Variants in AFF4 observed in about 807,000 individuals in gnomAD.
AFF4 encodes the protein ALF transcription elongation factor 4.
Under a neutral mutation model 124.8 loss-of-function variants are expected in AFF4, and 13 were observed. The observed-to-expected ratio is 0.10, with a 90% CI of 0.07 to 0.17. The LOEUF (loss-of-function observed/expected upper bound fraction) is 0.17. Among genes scored for constraint, AFF4 ranks in the 10% least tolerant of loss-of-function variants. AFF4 has a pLI of 1.00. For synonymous variants in AFF4, 477 were observed against 496.1 expected, an observed-to-expected ratio of 0.96 and a Z score of 0.51; for missense variants, 1,092 against 1,403.8, an observed-to-expected ratio of 0.78 and a Z score of 3.55.
intron 1 of AFF4, among the ~76,000 whole-genome samples, chr5:132,957,625 T>C (rs1430591443): frequency 6.6e-6 from 1 of 152,012 alleles, no homozygotes; most frequent in Non-Finnish European, 1.5e-5. Context: ...CCCCAGCTAC[T>C]CAGGAGGCTG....
chr5:132,906,504 T>C (rs1271228521), intron 5 of AFF4, among the ~76,000 whole-genome samples: 7 of 152,156 alleles, frequency 4.6e-5, no homozygotes, highest in African/African-American at 1.4e-4. Flanking sequence ...TGAAAGAATA[T>C]AGTCACAAAA....
intron 1 of AFF4, among the ~76,000 whole-genome samples, chr5:132,957,950 G>A (rs542069007): frequency 4.9e-4 from 74 of 151,978 alleles, no homozygotes; most frequent in Admixed American, 1.5e-3. Flanking sequence ...AAAAAGTATC[G>A]ATTACCTAAA....
At chr5:132,948,991 T>C (rs1761765992) in intron 1 of AFF4, among the ~76,000 whole-genome samples, 1 of 152,122 alleles carries the variant, frequency 6.6e-6, no homozygotes, top group African/African-American at 2.4e-5. Context: ...AGACAGAAGA[T>C]GCTCTCTTCT....
At chr5:132,916,789 TAC>T (rs1466998218) in intron 5 of AFF4, among the ~76,000 whole-genome samples, 1 of 152,118 alleles carries the variant, frequency 6.6e-6, no homozygotes, top group Non-Finnish European at 1.5e-5. Flanking sequence ...AGCCCAGGAA[TAC>T]AGACGCAAAA....
chr5:132,893,775 G>A (rs1581275464), intron 11 of AFF4, among the ~76,000 whole-genome samples: 1 of 152,196 alleles, frequency 6.6e-6, no homozygotes, highest in East Asian at 1.9e-4. Flanking sequence ...ACTGCACCCG[G>A]CTTAATGAAT....
intron 1 of AFF4, among the ~76,000 whole-genome samples, chr5:132,942,099 A>G (rs1477916100): frequency 2.6e-5 from 4 of 151,862 alleles, no homozygotes; most frequent in South Asian, 2.1e-4. Flanking sequence ...CAGACCCCAC[A>G]GGTTGAGTGA....
At chr5:132,924,250 T>C (rs1761120121) in intron 5 of AFF4, among the ~76,000 whole-genome samples, 1 of 151,276 alleles carries the variant, frequency 6.6e-6, no homozygotes, top group South Asian at 2.1e-4. Flanking sequence ...TGAGACTCTG[T>C]CTCAAAAAAA....
chr5:132,919,657 C>T (rs1222930833), intron 5 of AFF4, among the ~76,000 whole-genome samples: 1 of 152,144 alleles, frequency 6.6e-6, no homozygotes, highest in Non-Finnish European at 1.5e-5. Context: ...CGAGACCAGG[C>T]TGGGCAACAT....
chr5:132,893,025 C>G lies in AFF4; in HGVS notation c.2396+5G>C, dbSNP rs778701766. ...ACTGGCATGCAACATGTTTTGGGAA[C>G]GTACTCTCTGTTGCTGGATGGCTTA... On this transcript the variant is annotated splice_donor_5th_base_variant and intron_variant, in intron 12 of 20. Coordinates refer to ENST00000265343, the MANE Select transcript of AFF4 (RefSeq NM_014423.4). The G allele has an allele frequency of 6.2e-7, 1 of 1,613,710 alleles. No homozygotes were observed. Among genetic ancestry groups the G allele is most frequent in the Non-Finnish European group, 8.5e-7 (1 of 1,179,710 alleles).
At chr5:132,925,418 A>T (rs2150091973) in intron 5 of AFF4, among the ~76,000 whole-genome samples, 1 of 152,164 alleles carries the variant, frequency 6.6e-6, no homozygotes, top group South Asian at 2.1e-4. Flanking sequence ...CATTAAAAGC[A>T]AAAACTATAA....
intron 1 of AFF4, among the ~76,000 whole-genome samples, chr5:132,950,619 A>C (rs781059213): frequency 2.6e-5 from 4 of 152,208 alleles, no homozygotes; most frequent in Non-Finnish European, 4.4e-5. Flanking sequence ...ACTGCACTCC[A>C]GCCCAGGCGA....
intron 13 of AFF4, among the ~76,000 whole-genome samples, chr5:132,891,381 T>C (rs1397575324): frequency 2.0e-5 from 3 of 152,214 alleles, no homozygotes; most frequent in South Asian, 4.1e-4. Context: ...TACTAAATAA[T>C]AGGTATTTTC....
chr5:132,937,501 G>A (rs971502620), intron 1 of AFF4: 3 of 176,740 alleles, frequency 1.7e-5, no homozygotes, highest in Non-Finnish European at 2.4e-5. Flanking sequence ...CAGAGGGAAC[G>A]TAGTATTTGA....
chr5:132,888,821 C>T (rs1760183044), intron 14 of AFF4, among the ~76,000 whole-genome samples: 1 of 152,072 alleles, frequency 6.6e-6, no homozygotes, highest in African/African-American at 2.4e-5. Context: ...CCTCAGCCTC[C>T]TGAATAGCTG....
intron 1 of AFF4, among the ~76,000 whole-genome samples, chr5:132,949,503 C>G (rs1761780183): frequency 1.3e-5 from 2 of 152,020 alleles, no homozygotes; most frequent in Non-Finnish European, 2.9e-5. Flanking sequence ...AAAGTGAGAC[C>G]TCATCTCTTA....
intron 1 of AFF4, among the ~76,000 whole-genome samples, chr5:132,959,719 G>T (rs1012196820): frequency 6.8e-6 from 1 of 147,942 alleles, no homozygotes; most frequent in Non-Finnish European, 1.5e-5. Context: ...ACCAAGAAGG[G>T]TATGTATAGG....
rs1759917565 is a variant in AFF4, at chr5:132,879,404, A to G, written c.*1655T>C. Reference sequence around the variant, plus strand: ...GAATGGATTCATTTTTGGAATGGGGAGAGGGACAAACTATTTTTCAAAGCA... The same window carrying G: ...GAATGGATTCATTTTTGGAATGGGGGGAGGGACAAACTATTTTTCAAAGCA... On this transcript the variant is annotated 3_prime_UTR_variant, in exon 21 of 21. Transcript: ENST00000265343. 1 of 207,738 alleles carries G rather than the reference A, an allele frequency of 4.8e-6. No homozygotes were observed. Among genetic ancestry groups the G allele is most frequent in the South Asian group, 1.9e-4 (1 of 5,320 alleles). 12.9% of individuals were successfully genotyped at this position (207,738 alleles called of 1,614,324 possible).
chr5:132,885,552 A>G (rs906121048), intron 18 of AFF4, among the ~76,000 whole-genome samples: 5 of 152,076 alleles, frequency 3.3e-5, no homozygotes, highest in African/African-American at 1.2e-4. Context: ...TATGTGCCCC[A>G]TGCAGTTTGC....
chr5:132,944,315 C>A (rs1475307826), intron 1 of AFF4, among the ~76,000 whole-genome samples: 1 of 127,288 alleles, frequency 7.9e-6, no homozygotes, highest in Non-Finnish European at 1.9e-5. Flanking sequence ...CCAGCCTGGG[C>A]GACAGCGCGA....
Sources: gnomAD v4.1 joint callset for allele counts (sites outside exome capture counted in the v4.1 genomes callset) on GRCh38, gnomAD v4.1.1 for gene constraint, MANE v1.5 for transcripts, NCBI Gene and HGNC (gene_info 2026-07-23, HGNC 2026-07-21) for gene names.